The following ZFYVE28 variants were observed in gnomAD, a reference collection of about 807,000 sequenced individuals.
The protein encoded by ZFYVE28 is lateral signaling target protein 2 homolog.
In ZFYVE28, 40 loss-of-function variants were observed where a neutral mutation model predicts 82.1. The ratio of observed to expected loss-of-function variants is 0.49; its 90% CI spans 0.38 to 0.63. The LOEUF is 0.63. Ranked by LOEUF, ZFYVE28 falls within the 30% of genes least tolerant of loss-of-function variation. ZFYVE28 has a pLI of 0.00. For synonymous variants in ZFYVE28, 612 were observed against 546.1 expected, an observed-to-expected ratio of 1.12 and a Z score of -1.68; for missense variants, 1,321 against 1,242.1, an observed-to-expected ratio of 1.06 and a Z score of -0.96.
At chr4:2,321,514 G>A (rs1719068797) in intron 6 of ZFYVE28, among the ~76,000 whole-genome samples, 1 of 152,128 alleles carries the variant, frequency 6.6e-6, no homozygotes, top group African/African-American at 2.4e-5. Context: ...ACCTGTGGGT[G>A]AGGGGACAGC....
Position 2,341,654 on chromosome 4 carries a change from G to A in ZFYVE28, c.181-39C>T. 6.3e-7 allele frequency: 1 copy of A among 1,591,056 alleles called. No homozygotes were observed. Among genetic ancestry groups the A allele is most frequent in the Non-Finnish European group, 8.6e-7 (1 of 1,162,358 alleles). ...CAGGAGAAAGTGCGCCAATCGCTGT[G>A]TCCAGCTGGCGGCCGCCATGTACTG... On this transcript the variant is annotated intron_variant, in intron 2 of 12. Transcript: ENST00000290974. The surrounding 1 kb of genome is among the most constrained non-coding windows in gnomAD (Gnocchi z 4.5).
At chr4:2,380,386 T>C (rs997833225) in intron 1 of ZFYVE28, among the ~76,000 whole-genome samples, 2 of 152,188 alleles carry the variant, frequency 1.3e-5, no homozygotes, top group Non-Finnish European at 2.9e-5. Context: ...TTCCTGCCAC[T>C]CCAAGAACAA....
At position 2,304,522 on chromosome 4, in the gene ZFYVE28, G is replaced by T. The variant is rs767714187; in HGVS notation, c.1818C>A (p.Ala606=). ...AAGLAKASDR[A]PERQEEAPPP... ...GGGGCGCCTCCTCCTGTCTCTCAGGGGCCCTGTCGCTGGCCTTGGCTAAGC... is the reference window on the plus strand; with the variant it reads ...GGGGCGCCTCCTCCTGTCTCTCAGGTGCCCTGTCGCTGGCCTTGGCTAAGC... The change falls in exon 8 of 13, where the codon GCC becomes GCA. Residue 606 remains alanine, a synonymous_variant. Transcript: ENST00000290974. 6.2e-7 allele frequency: 1 copy of T among 1,612,480 alleles called. No individual in the cohort carries two copies. Among genetic ancestry groups the T allele is most frequent in the African/African-American group, 1.3e-5 (1 of 74,932 alleles).
chr4:2,296,224 G>A (rs1210691946), intron 8 of ZFYVE28, among the ~76,000 whole-genome samples: 1 of 152,206 alleles, frequency 6.6e-6, no homozygotes, highest in Non-Finnish European at 1.5e-5. Context: ...TGGCCTGCGT[G>A]CCTACTGCAT....
intron 7 of ZFYVE28, among the ~76,000 whole-genome samples, chr4:2,305,739 T>C (rs4974648): frequency 0.19 from 28,674 of 152,232 alleles, 3,438 homozygotes; most frequent in Non-Finnish European, 0.25. Flanking sequence ...GACAACGGTG[T>C]TCAAGGTGGC....
At chr4:2,307,926 C>T (rs1163589455) in intron 7 of ZFYVE28, among the ~76,000 whole-genome samples, 1 of 152,208 alleles carries the variant, frequency 6.6e-6, no homozygotes, top group African/African-American at 2.4e-5. Context: ...TCTATTGACT[C>T]AGCCCATTTA....
At chr4:2,406,641 C>G (rs1560352571) in intron 1 of ZFYVE28, 1 of 152,252 alleles carries the variant, frequency 6.6e-6, no homozygotes, top group Non-Finnish European at 1.5e-5. Context: ...GAAGCTGTCT[C>G]GTGGACATCT....
rs566448318 is a variant in ZFYVE28, at chr4:2,339,393, AG to A, written c.521+59del. The A allele has an allele frequency of 3.7e-3, 5,764 of 1,559,870 alleles. 11 individuals carry two copies. Among genetic ancestry groups the A allele is most frequent in the Non-Finnish European group, 4.7e-3 (5,393 of 1,147,722 alleles). On this transcript the variant is annotated intron_variant, in intron 4 of 12. Coordinates refer to ENST00000290974, the MANE Select transcript of ZFYVE28 (RefSeq NM_020972.3). The surrounding 1 kb of genome is among the most constrained non-coding windows in gnomAD (Gnocchi z 5.0). ...TTGAAGTATCAGGGTGAGCCCCGGA[AG>A]CTGGCACAACCGTCCCCCAGCTCAT... is the stretch of plus-strand genomic sequence containing the variant.
At chr4:2,298,840 A>G (rs993097494) in intron 8 of ZFYVE28, among the ~76,000 whole-genome samples, 1 of 152,196 alleles carries the variant, frequency 6.6e-6, no homozygotes, top group Non-Finnish European at 1.5e-5. Context: ...ACTCTGATGC[A>G]CAGAGGCCCT....
intron 1 of ZFYVE28, chr4:2,364,657 C>G: frequency 1.0e-6 from 1 of 985,530 alleles, no homozygotes; most frequent in Non-Finnish European, 1.2e-6. Context: ...CTTAAGGACG[C>G]AGAGAACCCG....
intron 2 of ZFYVE28, chr4:2,343,169 C>T (rs969735625): frequency 6.6e-6 from 1 of 152,072 alleles, no homozygotes; most frequent in African/African-American, 2.4e-5. Context: ...CACGATGCTC[C>T]GAGTGTGGAT....
In ZFYVE28 at chr4:2,406,062, A is replaced by AAAAGAAAGAAAG. The variant is rs1553867780; in HGVS notation, c.39+12211_39+12222dup. ...GATTCTGTCTCAAAAAAAAAAAAAA[A>AAAAGAAAGAAAG]AAAGAAAGAAAGAAAGGAAAGAAAA... On this transcript the variant is annotated intron_variant, in intron 1 of 12. Coordinates refer to ENST00000290974, the MANE Select transcript of ZFYVE28 (RefSeq NM_020972.3). Among the ~76,000 whole-genome samples, 543 of 125,048 alleles carry AAAAGAAAGAAAG rather than the reference A, an allele frequency of 4.3e-3. 6 individuals are homozygous for AAAAGAAAGAAAG. The highest frequency in any genetic ancestry group is 0.016 in the African/African-American group (477 of 30,418). The allele number at this position is 125,048 out of a possible 152,430, so 82.0% of individuals were successfully genotyped here. A position where few individuals can be genotyped will look rare whatever the true frequency, so the allele number is the denominator to read the frequency against.
At chr4:2,303,803 G>A (rs1024806288) in intron 8 of ZFYVE28, among the ~76,000 whole-genome samples, 5 of 152,344 alleles carry the variant, frequency 3.3e-5, no homozygotes, top group African/African-American at 4.8e-5. Flanking sequence ...CCACGGCCAC[G>A]GGTCTGCGTC....
At chr4:2,343,256 T>C (rs377260470) in intron 2 of ZFYVE28, 12 of 152,334 alleles carry the variant, frequency 7.9e-5, no homozygotes, top group African/African-American at 2.9e-4. Flanking sequence ...CAGGCTCTAA[T>C]GAGATACTGC....
At chr4:2,325,477 A>G (rs1719719251) in intron 6 of ZFYVE28, among the ~76,000 whole-genome samples, 1 of 152,230 alleles carries the variant, frequency 6.6e-6, no homozygotes, top group Non-Finnish European at 1.5e-5. Context: ...AAACGACTGC[A>G]TATGATAAAA....
intron 11 of ZFYVE28, 92 bp downstream of exon 11, chr4:2,271,583 T>C (rs1454538283): frequency 6.8e-7 from 1 of 1,479,940 alleles, no homozygotes; most frequent in African/African-American, 1.4e-5. Context: ...CAGGGTGGCC[T>C]GCAGCCCCTC....
chr4:2,298,088 G>C (rs1251520878), intron 8 of ZFYVE28, among the ~76,000 whole-genome samples: 2 of 149,082 alleles, frequency 1.3e-5, no homozygotes, highest in Non-Finnish European at 3.0e-5. Flanking sequence ...CAGAGGACGA[G>C]TGGTGACAGT....
rs1358133639 is a variant in ZFYVE28, at chr4:2,270,646, G to T, written c.*79C>A. 1.9e-6 allele frequency: 3 copies of T among 1,591,856 alleles called. No individual in the cohort carries two copies. In the Admixed American group the frequency reaches 5.2e-5, roughly 28 times the overall value. ...AGCGGCAGCGGCCTCATGAGACGCA[G>T]TGAGACCTGCCTGCAGCGTGGCCCC... On this transcript the variant is annotated 3_prime_UTR_variant, in exon 13 of 13. Transcript: ENST00000290974.
chr4:2,406,299 G>C lies in ZFYVE28; in HGVS notation c.39+11986C>G, dbSNP rs187606581. Among the ~76,000 whole-genome samples, 24 of 152,072 alleles carry C rather than the reference G, an allele frequency of 1.6e-4. No homozygotes were observed. In the East Asian group the frequency reaches 4.6e-3, roughly 29 times the overall value. On this transcript the variant is annotated intron_variant, in intron 1 of 12. Transcript: ENST00000290974. Reference sequence around the variant, plus strand: ...AGGCAGGAGAATCACTTGAACCCAGGAGGCAGAGGTAGCAGTGAGCCAAGA... The same window carrying C: ...AGGCAGGAGAATCACTTGAACCCAGCAGGCAGAGGTAGCAGTGAGCCAAGA...
Sources: gnomAD v4.1 joint callset for allele counts (sites outside exome capture counted in the v4.1 genomes callset) on GRCh38, gnomAD v4.1.1 for gene constraint, Gnocchi (gnomAD v3.1) non-coding constraint, MANE v1.5 for transcripts, NCBI Gene and HGNC (gene_info 2026-07-23, HGNC 2026-07-21) for gene names.